The following CHSY3 variants were observed in gnomAD, a reference collection of about 807,000 sequenced individuals.
CHSY3 encodes the protein chondroitin sulfate synthase 3.
In CHSY3, 35 loss-of-function variants were observed where a neutral mutation model predicts 67.2. The ratio of observed to expected loss-of-function variants is 0.52; its 90% CI spans 0.40 to 0.69. CHSY3 has a LOEUF of 0.69. CHSY3 is among the 30% of genes least tolerant of loss of function. CHSY3 has a pLI of 0.00. For synonymous variants in CHSY3, 474 were observed against 434.7 expected (o/e 1.09, Z -1.12); for missense variants, 1,069 against 1,138.5 (o/e 0.94, Z 0.88).
At chr5:130,079,163 C>G (rs933270165) in intron 2 of CHSY3, among the ~76,000 whole-genome samples, 1 of 152,136 alleles carries the variant, frequency 6.6e-6, no homozygotes, top group Non-Finnish European at 1.5e-5. Flanking sequence ...AGACCTATGA[C>G]AACCTCCATT....
At chr5:129,911,748 A>C (rs1760557664) in intron 2 of CHSY3, among the ~76,000 whole-genome samples, 1 of 152,122 alleles carries the variant, frequency 6.6e-6, no homozygotes, top group Non-Finnish European at 1.5e-5. Flanking sequence ...AAATATGAGG[A>C]ATTCAGTATT....
intron 2 of CHSY3, among the ~76,000 whole-genome samples, chr5:130,059,429 T>G (rs571876881): frequency 2.9e-4 from 44 of 150,272 alleles, no homozygotes; most frequent in African/African-American, 1.1e-3. Context: ...CTCTCTTTCT[T>G]CCCCCTCTCC....
At chr5:129,976,746 T>C (rs941106679) in intron 2 of CHSY3, among the ~76,000 whole-genome samples, 1 of 151,944 alleles carries the variant, frequency 6.6e-6, no homozygotes, top group Non-Finnish European at 1.5e-5. Context: ...TGAAGAAAAC[T>C]CTAGTAATCC....
intron 2 of CHSY3, among the ~76,000 whole-genome samples, chr5:130,115,937 C>T (rs960424298): frequency 1.3e-5 from 2 of 152,172 alleles, no homozygotes; most frequent in Admixed American, 6.5e-5. Flanking sequence ...CCTCCTTCTA[C>T]GATGGCTCAA....
intron 2 of CHSY3, among the ~76,000 whole-genome samples, chr5:130,002,710 C>T (rs1041623834): frequency 7.2e-5 from 11 of 151,990 alleles, no homozygotes; most frequent in Non-Finnish European, 1.2e-4. Flanking sequence ...ATTTGTTCCA[C>T]TATAGTAAAC....
intron 2 of CHSY3, among the ~76,000 whole-genome samples, chr5:129,983,191 CCTCT>C (rs1317499478): frequency 6.6e-6 from 1 of 152,016 alleles, no homozygotes; most frequent in Non-Finnish European, 1.5e-5. Flanking sequence ...CTTTGCTTCA[CCTCT>C]CTTCTCTTCA....
chr5:130,035,713 G>A (rs183944232), intron 2 of CHSY3, among the ~76,000 whole-genome samples: 8 of 152,180 alleles, frequency 5.3e-5, no homozygotes, highest in Admixed American at 4.6e-4. Context: ...CAGTCACTTT[G>A]AAAATGAAAG....
At chr5:130,112,998 A>G (rs1767636565) in intron 2 of CHSY3, among the ~76,000 whole-genome samples, 1 of 152,124 alleles carries the variant, frequency 6.6e-6, no homozygotes, top group Non-Finnish European at 1.5e-5. Flanking sequence ...AGCAATTAGA[A>G]GTCACATTTT....
At chr5:129,909,617 A>G (rs2149575421) in intron 2 of CHSY3, among the ~76,000 whole-genome samples, 1 of 152,140 alleles carries the variant, frequency 6.6e-6, no homozygotes, top group Non-Finnish European at 1.5e-5. Context: ...ATTTGTAAAA[A>G]CTATCCTACA....
intron 2 of CHSY3, among the ~76,000 whole-genome samples, chr5:129,955,159 G>T (rs993050089): frequency 6.6e-6 from 1 of 152,076 alleles, no homozygotes; most frequent in Non-Finnish European, 1.5e-5. Flanking sequence ...GAGCCACTGC[G>T]CCTGGCCCAT....
intron 2 of CHSY3, among the ~76,000 whole-genome samples, chr5:130,058,353 C>T (rs1208279798): frequency 1.3e-5 from 2 of 152,058 alleles, no homozygotes; most frequent in Non-Finnish European, 1.5e-5. Flanking sequence ...AATGGCCAGG[C>T]GTGGTGGCTC....
At chr5:129,965,250 A>G (rs1762438596) in intron 2 of CHSY3, among the ~76,000 whole-genome samples, 1 of 151,934 alleles carries the variant, frequency 6.6e-6, no homozygotes, top group Non-Finnish European at 1.5e-5. Context: ...TGGGGAAGTG[A>G]TGTTACCTCT....
chr5:130,090,052 A>C (rs1766824001), intron 2 of CHSY3, among the ~76,000 whole-genome samples: 3 of 152,112 alleles, frequency 2.0e-5, no homozygotes, highest in Non-Finnish European at 4.4e-5. Flanking sequence ...TTTATCCCTT[A>C]TAGTTCCCGC....
At chr5:129,990,373 A>AGTGT (rs1388248308) in intron 2 of CHSY3, among the ~76,000 whole-genome samples, 2 of 69,534 alleles carry the variant, frequency 2.9e-5, no homozygotes, top group African/African-American at 1.4e-4. Flanking sequence ...GGTGTGAGTG[A>AGTGT]GTGAGTGTGT....
chr5:130,048,918 C>T (rs1342408919), intron 2 of CHSY3, among the ~76,000 whole-genome samples: 2 of 151,852 alleles, frequency 1.3e-5, no homozygotes, highest in Admixed American at 6.6e-5. Context: ...CACAACATAG[C>T]GACTGTAGTT....
intron 2 of CHSY3, among the ~76,000 whole-genome samples, chr5:129,998,737 T>C (rs1052651983): frequency 4.7e-5 from 7 of 150,274 alleles, no homozygotes; most frequent in Admixed American, 2.7e-4. Context: ...AATCTATGTA[T>C]TTTTTTTTGC....
At chr5:130,003,365 T>C (rs577016799) in intron 2 of CHSY3, among the ~76,000 whole-genome samples, 364 of 152,240 alleles carry the variant, frequency 2.4e-3, no homozygotes, top group Non-Finnish European at 4.5e-3. Flanking sequence ...CCCTTTGGGG[T>C]TTATTATGGT....
At chr5:129,918,242 T>G (rs1420468094) in intron 2 of CHSY3, among the ~76,000 whole-genome samples, 1 of 152,160 alleles carries the variant, frequency 6.6e-6, no homozygotes, top group African/African-American at 2.4e-5. Context: ...AGATATGTTT[T>G]CACTGTACAA....
chr5:129,923,154 G>A (rs1057360368), intron 2 of CHSY3, among the ~76,000 whole-genome samples: 2 of 152,166 alleles, frequency 1.3e-5, no homozygotes, highest in African/African-American at 4.8e-5. Flanking sequence ...GAGCTAAGGA[G>A]GAGAGAGAAT....
Sources: gnomAD v4.1 joint callset for allele counts (sites outside exome capture counted in the v4.1 genomes callset) on GRCh38, gnomAD v4.1.1 for gene constraint, MANE v1.5 for transcripts, NCBI Gene and HGNC (gene_info 2026-07-23, HGNC 2026-07-21) for gene names.